KEL: variants seen among roughly 807,000 people sequenced by gnomAD.
The protein encoded by KEL is Kell metallo-endopeptidase (Kell blood group).
In KEL, 96 loss-of-function variants were observed where a neutral mutation model predicts 99.5. The ratio of observed to expected loss-of-function variants is 0.97; its 90% CI spans 0.82 to 1.14. KEL has a LOEUF of 1.14. Ranked by LOEUF, KEL falls within the 50% of genes most tolerant of loss-of-function variation. KEL has a pLI of 0.00. For missense variants in KEL, 926 were observed against 924.2 expected, an observed-to-expected ratio of 1.00 and a Z score of -0.03; for synonymous variants, 355 against 354.8, an observed-to-expected ratio of 1.00 and a Z score of -0.01.
chr7:142,961,838 T>C lies in KEL; in HGVS notation c.38A>G (p.Glu13Gly), dbSNP rs777984374. Residue 13 changes from glutamate to glycine, a missense_variant, in exon 2 of 19, where the codon GAA (glutamate) becomes GGA (glycine). Physicochemically the swap from Glu to Gly is moderately conservative, Grantham distance 98. Transcript: ENST00000355265. ...GGDQSEEEPRERSQAGGMGTL... is the reference protein window; with the variant it reads ...GGDQSEEEPRGRSQAGGMGTL... ...TCCCATTCCACCTGCCTGGCTGCGT[T>C]CCCTCGGCTCTTCCTCACTTTGGTC... 6.2e-7 allele frequency: 1 copy of C among 1,613,986 alleles called. No individual in the cohort carries two copies. The highest frequency in any genetic ancestry group is 8.5e-7 in the Non-Finnish European group (1 of 1,180,014).
rs374463633 is a variant in KEL at position 142,942,386 on chromosome 7, G to A, written c.2037+48C>T. ...CTTCCATGAGCTTCAGTAATAAGGC[G>A]TTCAACTGACATAAAGCAAGCTGTG... On this transcript the variant is annotated intron_variant, in intron 18 of 18. Transcript: ENST00000355265. 512 of 1,332,302 alleles carry A rather than the reference G, an allele frequency of 3.8e-4. 1 individual carries two copies. Among genetic ancestry groups the A allele is most frequent in the Admixed American group, 4.7e-4 (24 of 51,482 alleles). The allele number at this position is 1,332,302 out of a possible 1,614,324, so 82.5% of individuals were successfully genotyped here. A position where few individuals can be genotyped will look rare whatever the true frequency, so the allele number is the denominator to read the frequency against.
In KEL at chr7:142,946,196, CT is replaced by C; in HGVS notation, c.1314+10del. The C allele has an allele frequency of 6.3e-7, 1 of 1,591,244 alleles. No homozygotes were observed. Among genetic ancestry groups the C allele is most frequent in the Non-Finnish European group, 8.6e-7 (1 of 1,159,588 alleles). Reference sequence around the variant, plus strand: ...GTGGAGGGATGTGGGCTGGGAAGAGCTCTCACATACAGCACTTCGGGTGCTC... The same window carrying C: ...GTGGAGGGATGTGGGCTGGGAAGAGCCTCACATACAGCACTTCGGGTGCTC... On this transcript the variant is annotated intron_variant, in intron 11 of 18. Coordinates refer to ENST00000355265, the MANE Select transcript of KEL (RefSeq NM_000420.3).
chr7:142,953,417 C>G lies in KEL; in HGVS notation c.1073+391G>C, dbSNP rs866372726. ...ATCTCCTCATCTCATGTGCCTCCTC[C>G]TCCTGCCCACAGTCCTCAGCTGCTA... On this transcript the variant is annotated intron_variant, in intron 9 of 18. Transcript: ENST00000355265. The G allele has an allele frequency of 8.3e-5, 82 of 983,554 alleles. 1 individual carries two copies. The Middle Eastern group carries it at 3.1e-3, about 38-fold the overall frequency. 60.9% of individuals were successfully genotyped at this position (983,554 alleles called of 1,614,324 possible). A position where few individuals can be genotyped will look rare whatever the true frequency, so the allele number is the denominator to read the frequency against.
At chr7:142,947,021 A>G (rs8176016) in intron 10 of KEL, among the ~76,000 whole-genome samples, 3,165 of 152,296 alleles carry the variant, frequency 0.021, 94 homozygotes, top group African/African-American at 0.071. Flanking sequence ...CCAAGAGGGC[A>G]GTGCCAGCTG....
In KEL at chr7:142,946,311, G is replaced by T; in HGVS notation, c.1210C>A (p.Arg404Ser). ...ELTEQPPMPA[R>S]PRWMKCVEET... is the part of the protein sequence containing the mutation. ...TCCACGCACTTCATCCATCGTGGGC[G>T]GGCAGGCTATGGAGACAAAGCTGGA... The change falls in exon 11 of 19, where the codon CGC (arginine) becomes AGC (serine). Residue 404 changes from arginine to serine, a missense_variant. Coordinates refer to ENST00000355265, the MANE Select transcript of KEL (RefSeq NM_000420.3). The T allele has an allele frequency of 6.2e-7, 1 of 1,612,900 alleles. No individual in the cohort carries two copies.
intron 3 of KEL, 116 bp from the exon 4 acceptor site, chr7:142,961,220 T>C (rs920316483): frequency 1.3e-6 from 2 of 1,511,190 alleles, no homozygotes; most frequent in Non-Finnish European, 1.8e-6. Flanking sequence ...GAAAAAGAAA[T>C]GGTTAGGATG....
Position 142,942,871 on chromosome 7 carries a change from A to C in KEL, c.1941+4T>G, listed in dbSNP as rs1208326818. The C allele has an allele frequency of 1.9e-6, 3 of 1,614,066 alleles. No homozygotes were observed. The highest frequency in any genetic ancestry group is 2.5e-6 in the Non-Finnish European group (3 of 1,180,032). On this transcript the variant is annotated splice_donor_region_variant and intron_variant, in intron 17 of 18. Coordinates refer to ENST00000355265, the MANE Select transcript of KEL (RefSeq NM_000420.3). ...ATAAACTGTGGCCCTTGACACTTGC[A>C]TACCTGCAGCGCGATGGCTAGCCCC...
At chr7:142,957,740 C>T in intron 6 of KEL, 87 bp downstream of exon 6, 1 of 1,553,558 alleles carries the variant, frequency 6.4e-7, no homozygotes, top group Non-Finnish European at 8.9e-7. Context: ...TCCTCTCTTC[C>T]CAACCTGCAA....
rs8176039 is a variant in KEL at position 142,942,917 on chromosome 7, T to C, written c.1899A>G (p.Leu633=). The change falls in exon 17 of 19, where the codon TTA becomes TTG. Residue 633 remains leucine, a synonymous_variant. Coordinates refer to ENST00000355265, the MANE Select transcript of KEL (RefSeq NM_000420.3). The part of the protein sequence containing the change: ...RTSFNDSLTF[L]ENAADVGGLA... ...GCCCCCCAACGTCTGCAGCATTCTC[T>C]AAGAATGTGAGGGAGTCATTGAAGG... 19,856 of 1,614,064 alleles carry C rather than the reference T, an allele frequency of 0.012. 1,890 individuals carry two copies. In the African/African-American group the frequency reaches 0.22, roughly 18 times the overall value.
Position 142,947,372 on chromosome 7 carries a change from G to A in KEL, c.1204-1055C>T, listed in dbSNP as rs1796561302. ...CAGGAGCTAGGCTGGTCCTGGGAAT[G>A]GAGGGGGTTTATGTACATCCCACTA... is the stretch of plus-strand genomic sequence containing the variant. On this transcript the variant is annotated intron_variant, in intron 10 of 18. Coordinates refer to ENST00000355265, the MANE Select transcript of KEL (RefSeq NM_000420.3). Among the ~76,000 whole-genome samples the A allele has an allele frequency of 2.6e-5, 4 of 152,272 alleles. No individual in the cohort carries two copies. The South Asian group carries it at 8.3e-4, about 32-fold the overall frequency.
At chr7:142,947,248 G>A (rs1220908224) in intron 10 of KEL, among the ~76,000 whole-genome samples, 1 of 152,184 alleles carries the variant, frequency 6.6e-6, no homozygotes, top group Non-Finnish European at 1.5e-5. Context: ...ATTTGGGTTA[G>A]GCAGGATGAA....
At chr7:142,958,218 C>A in intron 5 of KEL, 86 bp downstream of exon 5, 1 of 1,600,888 alleles carries the variant, frequency 6.2e-7, no homozygotes, top group Non-Finnish European at 8.5e-7. Flanking sequence ...AAGACCCACC[C>A]TCTAGAAAAA....
At chr7:142,950,481 G>T in intron 10 of KEL, among the ~76,000 whole-genome samples, 1 of 152,284 alleles carries the variant, frequency 6.6e-6, no homozygotes, top group East Asian at 1.9e-4. Context: ...CTCCTGCCCT[G>T]TCCCCATGAG....
rs185979807 is a variant in KEL at position 142,952,264 on chromosome 7, C to T, written c.1203+245G>A. On this transcript the variant is annotated intron_variant, in intron 10 of 18. Transcript: ENST00000355265. ...AGAGTTTTATATTTGAGCTCAAACA[C>T]CCAGCAAGAAGCCAGAGAGGTAGTC... 1.6e-4 allele frequency among the ~76,000 whole-genome samples: 25 copies of T among 152,262 alleles called. No homozygotes were observed. The East Asian group carries it at 4.4e-3, about 27-fold the overall frequency.
At chr7:142,956,442 T>C (rs1796832115) in intron 6 of KEL, among the ~76,000 whole-genome samples, 1 of 152,126 alleles carries the variant, frequency 6.6e-6, no homozygotes, top group South Asian at 2.1e-4. Context: ...GTAGCTCTTT[T>C]TTTTTTTTCT....
chr7:142,942,286 G>GTC, intron 18 of KEL, 148 bp downstream of exon 18: 1 of 661,792 alleles, frequency 1.5e-6, no homozygotes, highest in East Asian at 2.7e-5. Context: ...GGGTAGGGAG[G>GTC]GAAGAGAAAA....
chr7:142,943,323 G>T lies in KEL; in HGVS notation c.1724C>A (p.Ala575Asp). Residue 575 changes from alanine (A) to aspartate (D), a missense_variant, in exon 16 of 19, where the codon GCT (alanine) becomes GAT (aspartate). Transcript: ENST00000355265. Reference protein sequence around the residue: ...GYPRAVNFGAAGSIMAHELLH... With the variant: ...GYPRAVNFGADGSIMAHELLH... ...CAGCTCGTGGGCCATGATGCTGCCA[G>T]CAGCGCCAAAGTTCACGGCTCTAGG... is the stretch of plus-strand genomic sequence containing the variant. 1 of 1,614,124 alleles carries T rather than the reference G, an allele frequency of 6.2e-7. No homozygotes were observed. Among genetic ancestry groups the T allele is most frequent in the Non-Finnish European group, 8.5e-7 (1 of 1,179,996 alleles).
rs1228818924 is a variant in KEL, at chr7:142,958,374, T to G, written c.455A>C (p.Tyr152Ser). 1 of 1,614,152 alleles carries G rather than the reference T, an allele frequency of 6.2e-7. No homozygotes were observed. Among genetic ancestry groups the G allele is most frequent in the Admixed American group, 1.7e-5 (1 of 60,030 alleles). Residue 152 changes from tyrosine (Y) to serine (S), a missense_variant, in exon 5 of 19, where the codon TAC becomes TCC. Physicochemically the swap from Tyr to Ser is moderately radical, Grantham distance 144. Coordinates refer to ENST00000355265, the MANE Select transcript of KEL (RefSeq NM_000420.3). Reference protein sequence around the residue: ...GSGEEKAFQFYNSCMDTLAIE... With the variant: ...GSGEEKAFQFSNSCMDTLAIE... The stretch of plus-strand genomic sequence containing the variant: ...GGCAAGTGTATCCATGCAGGAGTTG[T>G]AGAACTGGAAGGCTTTCTCCTCCCC...
In KEL at chr7:142,944,398, A is replaced by G. The variant is rs1239415008; in HGVS notation, c.1416T>C (p.Val472=). The G allele has an allele frequency of 1.2e-5, 20 of 1,612,508 alleles. No homozygotes were observed. Among genetic ancestry groups the G allele is most frequent in the Non-Finnish European group, 1.6e-5 (19 of 1,178,460 alleles). The change falls in exon 13 of 19, where the codon GTT becomes GTC. Residue 472 remains valine, a splice_region_variant and synonymous_variant. Coordinates refer to ENST00000355265, the MANE Select transcript of KEL (RefSeq NM_000420.3). ...EETQNMAQDK[V]AQLQVEMGAS... ...CCCCCATCTCCACCTGCAGTTGAGCAACCTGGAGAGAGACACAGAAGAGGC... is the reference window on the plus strand; with the variant it reads ...CCCCCATCTCCACCTGCAGTTGAGCGACCTGGAGAGAGACACAGAAGAGGC...
Sources: gnomAD v4.1 joint callset for allele counts (sites outside exome capture counted in the v4.1 genomes callset) on GRCh38, gnomAD v4.1.1 for gene constraint, MANE v1.5 for transcripts, NCBI Gene and HGNC (gene_info 2026-07-23, HGNC 2026-07-21) for gene names.